The following WSCD1 variants were observed in gnomAD, a reference collection of about 807,000 sequenced individuals.
WSCD1 encodes WSC domain sialate O sulfotransferase 1.
WSCD1 carries 41 observed loss-of-function variants against 60.4 expected under a neutral mutation model. The observed-to-expected ratio is 0.68, with a 90% CI of 0.53 to 0.88. The LOEUF is 0.88. Ranked by LOEUF, WSCD1 falls within the 40% of genes least tolerant of loss-of-function variation. The pLI, the probability that WSCD1 is intolerant of heterozygous loss-of-function variation, is 0.00. For synonymous variants in WSCD1, 361 were observed against 332.5 expected, an observed-to-expected ratio of 1.09 and a Z score of -0.93; for missense variants, 784 against 796.2, an observed-to-expected ratio of 0.98 and a Z score of 0.18.
chr17:6,070,941 C>T (rs936478949), intron 1 of WSCD1, among the ~76,000 whole-genome samples: 2 of 151,786 alleles, frequency 1.3e-5, no homozygotes, highest in Admixed American at 1.3e-4. Flanking sequence ...GCACGAGCCG[C>T]GTCCCCCTCC....
At chr17:6,116,544 C>T (rs529085871) in intron 7 of WSCD1, among the ~76,000 whole-genome samples, 1 of 152,180 alleles carries the variant, frequency 6.6e-6, no homozygotes, top group African/African-American at 2.4e-5. Context: ...TGGAAGGCAC[C>T]CCGGGTCTCA....
upstream of WSCD1, chr17:6,069,242 C>G: frequency 2.5e-6 from 1 of 398,822 alleles, no homozygotes; most frequent in Non-Finnish European, 4.4e-6. Context: ...CATGGCAGAG[C>G]AGGGCAGATG....
intron 5 of WSCD1, among the ~76,000 whole-genome samples, chr17:6,097,537 G>A (rs906923731): frequency 2.0e-5 from 3 of 152,242 alleles, no homozygotes; most frequent in Admixed American, 6.5e-5. Flanking sequence ...ATTGTCTCAC[G>A]TCGCGACACA....
chr17:6,108,053 C>T (rs1407288146), intron 5 of WSCD1, among the ~76,000 whole-genome samples: 2 of 152,046 alleles, frequency 1.3e-5, no homozygotes, highest in South Asian at 2.1e-4. Context: ...GGAGAGCATG[C>T]GGCCTGTACT....
chr17:6,113,359 C>A (rs1911511947), intron 7 of WSCD1, among the ~76,000 whole-genome samples: 1 of 152,154 alleles, frequency 6.6e-6, no homozygotes, highest in Non-Finnish European at 1.5e-5. Context: ...AAAATCAAGA[C>A]TTAAATGTAA....
Position 6,087,983 on chromosome 17 carries a change from T to G in WSCD1, c.428-7T>G. On this transcript the variant is annotated splice_polypyrimidine_tract_variant and splice_region_variant and intron_variant, in intron 2 of 8. Transcript: ENST00000317744. Reference sequence around the variant, plus strand: ...CTCTGGTATTAGCCATGCTTCCCTTTCTGCAGGCACCTACATTGGATGCTT... The same window carrying G: ...CTCTGGTATTAGCCATGCTTCCCTTGCTGCAGGCACCTACATTGGATGCTT... 1 of 1,609,804 alleles carries G rather than the reference T, an allele frequency of 6.2e-7. No individual in the cohort carries two copies. The highest frequency in any genetic ancestry group is 1.1e-5 in the South Asian group (1 of 90,950).
rs1567552531 is a variant in WSCD1 at position 6,088,031 on chromosome 17, A to G, written c.469A>G (p.Thr157Ala). ...CTTCAGTGACGATGGCCACGAGAGGACTCTGAAAGGAGCTGTGTTTTATGA... is the reference window on the plus strand; with the variant it reads ...CTTCAGTGACGATGGCCACGAGAGGGCTCTGAAAGGAGCTGTGTTTTATGA... ...GCFSDDGHER[T>A]LKGAVFYDLR... Residue 157 changes from threonine (T) to alanine (A), a missense_variant, in exon 3 of 9, where the codon ACT becomes GCT. Transcript: ENST00000317744. The G allele has an allele frequency of 6.2e-7, 1 of 1,614,034 alleles. No homozygotes were observed. The highest frequency in any genetic ancestry group is 1.7e-5 in the Admixed American group (1 of 60,010).
At position 6,120,641 on chromosome 17, in the gene WSCD1, A is replaced by G; in HGVS notation, c.1708A>G (p.Arg570Gly). The change falls in exon 9 of 9, where the codon AGG becomes GGG. Residue 570 changes from arginine to glycine, a missense_variant. Physicochemically the swap from Arg to Gly is moderately radical, Grantham distance 125. Coordinates refer to ENST00000317744, the MANE Select transcript of WSCD1 (RefSeq NM_015253.2). ...LRDHNWTGLP[R>G]EYVPR Reference sequence around the variant, plus strand: ...TGACCACAACTGGACGGGGCTGCCCAGGGAGTATGTGCCCAGATGATAGGC... The same window carrying G: ...TGACCACAACTGGACGGGGCTGCCCGGGGAGTATGTGCCCAGATGATAGGC... 3 of 1,612,206 alleles carry G rather than the reference A, an allele frequency of 1.9e-6. No homozygotes were observed. Among genetic ancestry groups the G allele is most frequent in the Non-Finnish European group, 2.5e-6 (3 of 1,179,214 alleles).
In WSCD1 at chr17:6,120,452, T is replaced by C. The variant is rs1412847876; in HGVS notation, c.1519T>C (p.Phe507Leu). Residue 507 changes from phenylalanine (F) to leucine (L), a missense_variant, in exon 9 of 9, where the codon TTC becomes CTC. Physicochemically the swap from Phe to Leu is conservative, Grantham distance 22. Transcript: ENST00000317744. ...LVPTLREMVA[F>L]LNVSVSEERL... ...GCCCACGTTACGGGAGATGGTGGCC[T>C]TCCTCAACGTGTCTGTGAGCGAGGA... 6.2e-7 allele frequency: 1 copy of C among 1,614,012 alleles called. No individual in the cohort carries two copies. The highest frequency in any genetic ancestry group is 8.5e-7 in the Non-Finnish European group (1 of 1,179,960).
rs1904457461 is a variant in WSCD1, at chr17:6,118,737, G to A, written c.1375+549G>A. On this transcript the variant is annotated intron_variant, in intron 8 of 8. Transcript: ENST00000317744. The surrounding 1 kb of genome is among the most constrained non-coding windows in gnomAD (Gnocchi z 5.8). ...TTGCTGACTCTTCACAGTGTCTGGT[G>A]GGGAAATCACATCAGCCCTACATTC... Among the ~76,000 whole-genome samples, 1 of 152,168 alleles carries A rather than the reference G, an allele frequency of 6.6e-6. No individual in the cohort carries two copies. The highest frequency in any genetic ancestry group is 6.5e-5 in the Admixed American group (1 of 15,288).
chr17:6,101,631 C>T lies in WSCD1; in HGVS notation c.849+6408C>T, dbSNP rs967901594. Among the ~76,000 whole-genome samples the T allele has an allele frequency of 2.0e-5, 3 of 152,156 alleles. No homozygotes were observed. Among genetic ancestry groups the T allele is most frequent in the Admixed American group, 2.0e-4 (3 of 15,282 alleles). ...GCATCTTAATGATCTGACTCTCTGC[C>T]AGCAAGAGGGAATTGACCAATGTAA... On this transcript the variant is annotated intron_variant, in intron 5 of 8. Transcript: ENST00000317744. This position sits in a 1 kb window ranked among gnomAD's most constrained non-coding sequence, Gnocchi z 4.1.
rs1010212190 is a variant in WSCD1 at position 6,101,377 on chromosome 17, A to T, written c.849+6154A>T. On this transcript the variant is annotated intron_variant, in intron 5 of 8. Transcript: ENST00000317744. This position sits in a 1 kb window ranked among gnomAD's most constrained non-coding sequence, Gnocchi z 4.1. ...CCTGGGGGTAGGAAGCTAGGGGCTT[A>T]ATTAGAGCTGGCCGGGCAGTGGGGC... is the stretch of plus-strand genomic sequence containing the variant. 6.6e-6 allele frequency among the ~76,000 whole-genome samples: 1 copy of T among 152,124 alleles called. No homozygotes were observed. The highest frequency in any genetic ancestry group is 2.4e-5 in the African/African-American group (1 of 41,430).
intron 1 of WSCD1, among the ~76,000 whole-genome samples, chr17:6,078,474 C>T (rs1909008062): frequency 6.6e-6 from 1 of 152,088 alleles, no homozygotes; most frequent in Non-Finnish European, 1.5e-5. Context: ...AGGAAGGAAA[C>T]AGCATAAATA....
At chr17:6,108,627 G>A (rs1023861648) in intron 5 of WSCD1, among the ~76,000 whole-genome samples, 12 of 152,226 alleles carry the variant, frequency 7.9e-5, no homozygotes, top group African/African-American at 1.2e-4. Flanking sequence ...CTTTGGACCT[G>A]TCTCATTCAG....
rs372367048 is a variant in WSCD1, at chr17:6,098,160, G to GGT, written c.849+2938_849+2939insTG. On this transcript the variant is annotated intron_variant, in intron 5 of 8. Coordinates refer to ENST00000317744, the MANE Select transcript of WSCD1 (RefSeq NM_015253.2). Reference sequence around the variant, plus strand: ...TGCAGAGACAGGGGGGCGGGGTGGGGGGGGTCTCACCAAGTTGCCCAGACT... The same window carrying GGT: ...TGCAGAGACAGGGGGGCGGGGTGGGGGTGGGGTCTCACCAAGTTGCCCAGACT... Among the ~76,000 whole-genome samples, 302 of 150,044 alleles carry GGT rather than the reference G, an allele frequency of 2.0e-3. 4 individuals carry two copies. Among genetic ancestry groups the GGT allele is most frequent in the African/African-American group, 7.3e-3 (295 of 40,384 alleles).
In WSCD1 at chr17:6,090,522, C is replaced by G; in HGVS notation, c.727+17C>G. On this transcript the variant is annotated intron_variant, in intron 4 of 8. Transcript: ENST00000317744. ...CCAGGAAGCGTGAGTGTGCCAGCCTCTTCCTGAGCTTTGTCCGTCTGTCCC... is the reference window on the plus strand; with the variant it reads ...CCAGGAAGCGTGAGTGTGCCAGCCTGTTCCTGAGCTTTGTCCGTCTGTCCC... 1 of 1,610,556 alleles carries G rather than the reference C, an allele frequency of 6.2e-7. No homozygotes were observed. Among genetic ancestry groups the G allele is most frequent in the East Asian group, 2.2e-5 (1 of 44,666 alleles).
At chr17:6,099,863 T>A (rs1010959105) in intron 5 of WSCD1, among the ~76,000 whole-genome samples, 1 of 152,156 alleles carries the variant, frequency 6.6e-6, no homozygotes, top group Admixed American at 6.5e-5. Context: ...GGAGCTGTTT[T>A]CTTCTTCCTT....
chr17:6,114,221 T>C (rs1911575853), intron 7 of WSCD1, among the ~76,000 whole-genome samples: 1 of 150,692 alleles, frequency 6.6e-6, no homozygotes, highest in African/African-American at 2.4e-5. Flanking sequence ...TAAGGGACAT[T>C]ATGTTAAGTG....
intron 2 of WSCD1, among the ~76,000 whole-genome samples, chr17:6,086,513 G>A (rs1382047183): frequency 6.6e-6 from 1 of 151,528 alleles, no homozygotes; most frequent in Non-Finnish European, 1.5e-5. Context: ...TTTTTGGTAT[G>A]TATATATTTT....
Sources: allele counts gnomAD v4.1 joint callset (sites outside exome capture counted in the v4.1 genomes callset), GRCh38; gene constraint gnomAD v4.1.1; non-coding constraint Gnocchi (gnomAD v3.1); transcripts MANE v1.5; gene names NCBI Gene and HGNC (gene_info 2026-07-23, HGNC 2026-07-21).